The following KLHL4 variants were observed in gnomAD, a reference collection of about 807,000 sequenced individuals.
KLHL4 encodes kelch like family member 4.
A neutral mutation model predicts 45.8 loss-of-function variants in KLHL4; 17 were observed. The ratio of observed to expected loss-of-function variants is 0.37; its 90% CI spans 0.25 to 0.56. KLHL4 has a LOEUF of 0.56. Among genes scored for constraint, KLHL4 ranks in the 20% least tolerant of loss-of-function variants. The pLI, the probability that KLHL4 is intolerant of heterozygous loss-of-function variation, is 0.79. For missense variants in KLHL4, 544 were observed against 544.9 expected, an observed-to-expected ratio of 1.00 and a Z score of 0.02; for synonymous variants, 224 against 189.9, an observed-to-expected ratio of 1.18 and a Z score of -1.47.
intron 1 of KLHL4, among the ~76,000 whole-genome samples, chrX:87,581,581 A>T (rs1196926586): frequency 8.9e-6 from 1 of 112,542 alleles, no homozygotes; most frequent in Non-Finnish European, 1.9e-5. Context: ...GGACAAACAT[A>T]GGTGACTAAA....
At position 87,527,918 on chromosome X, in the gene KLHL4, A is replaced by G. The variant is rs1021288315; in HGVS notation, c.422+9603A>G. Reference sequence around the variant, plus strand: ...AACATAATACATACAAAGAAACATGATAAGTTTCCAGTAACAGATCACTGG... The same window carrying G: ...AACATAATACATACAAAGAAACATGGTAAGTTTCCAGTAACAGATCACTGG... On this transcript the variant is annotated intron_variant, in intron 1 of 10. Transcript: ENST00000373119. 4.5e-5 allele frequency among the ~76,000 whole-genome samples: 5 copies of G among 111,114 alleles called. 1 individual carries two copies. Among genetic ancestry groups the G allele is most frequent in the African/African-American group, 9.8e-5 (3 of 30,501 alleles).
At chrX:87,528,586 G>A (rs998510342) in intron 1 of KLHL4, among the ~76,000 whole-genome samples, 10 of 107,812 alleles carry the variant, frequency 9.3e-5, no homozygotes, top group African/African-American at 2.7e-4. Context: ...GTGGTGGCAC[G>A]TGCCTGTAGT....
At chrX:87,580,674 G>A (rs1242073063) in intron 1 of KLHL4, among the ~76,000 whole-genome samples, 1 of 111,487 alleles carries the variant, frequency 9.0e-6, no homozygotes, top group African/African-American at 3.3e-5. Flanking sequence ...GAAGATATAA[G>A]AATTATAAAC....
intron 1 of KLHL4, among the ~76,000 whole-genome samples, chrX:87,588,914 C>A (rs1921571506): frequency 9.0e-6 from 1 of 111,087 alleles, no homozygotes; most frequent in Non-Finnish European, 1.9e-5. Flanking sequence ...AAGGACACAA[C>A]CCACAGAATG....
At chrX:87,541,244 T>C (rs1273165126) in intron 1 of KLHL4, among the ~76,000 whole-genome samples, 5 of 109,107 alleles carry the variant, frequency 4.6e-5, no homozygotes, top group Non-Finnish European at 9.5e-5. Flanking sequence ...CCCAGCACTT[T>C]GGGAGGCCGA....
At chrX:87,572,283 A>G (rs1486375268) in intron 1 of KLHL4, among the ~76,000 whole-genome samples, 2 of 91,726 alleles carry the variant, frequency 2.2e-5, no homozygotes. Context: ...GAAGAGATAA[A>G]ATTCACAAAT....
rs781203018 is a variant in KLHL4 at position 87,664,838 on chromosome X, C to T, written c.2000C>T (p.Pro667Leu). ...CCTCGAGATGCTGTTGCTGTGTGCCCTCTTGGAGACAAACTCTACGTGGTT... is the reference window on the plus strand; with the variant it reads ...CCTCGAGATGCTGTTGCTGTGTGCCTTCTTGGAGACAAACTCTACGTGGTT... ...SVPRDAVAVC[P>L]LGDKLYVVGG... The change falls in exon 10 of 11, where the codon CCT becomes CTT. Residue 667 changes from proline (P) to leucine (L), a missense_variant. Transcript: ENST00000373119. 54 of 1,198,670 alleles carry T rather than the reference C, an allele frequency of 4.5e-5. No homozygotes were observed. In the South Asian group the frequency reaches 8.5e-4, roughly 19 times the overall value.
intron 1 of KLHL4, among the ~76,000 whole-genome samples, chrX:87,613,041 A>G (rs1368182785): frequency 4.5e-5 from 5 of 111,818 alleles, no homozygotes. Context: ...TTTGAATTGA[A>G]CAGAGAAAGT....
chrX:87,564,348 ATTAGAG>A (rs60318772), intron 1 of KLHL4, among the ~76,000 whole-genome samples: 27,061 of 109,567 alleles, frequency 0.25, 2,912 homozygotes, highest in East Asian at 0.5. Flanking sequence ...TTACTTTTCA[ATTAGAG>A]TTAAATTACC....
chrX:87,548,888 T>C (rs1247297066), intron 1 of KLHL4, among the ~76,000 whole-genome samples: 1 of 100,178 alleles, frequency 1.0e-5, no homozygotes, highest in African/African-American at 3.6e-5. Context: ...ACCAGGAAAC[T>C]AATAAGAAAA....
chrX:87,659,262 G>C (rs1924105461), intron 9 of KLHL4, among the ~76,000 whole-genome samples: 1 of 96,809 alleles, frequency 1.0e-5, no homozygotes, highest in Non-Finnish European at 2.1e-5. Context: ...TGGGACTACA[G>C]GTGTGCACCA....
intron 1 of KLHL4, among the ~76,000 whole-genome samples, chrX:87,583,255 C>T (rs1413481160): frequency 8.9e-6 from 1 of 111,890 alleles, no homozygotes; most frequent in East Asian, 2.9e-4. Flanking sequence ...CAGAAAAGTT[C>T]TCCAAGTCCC....
chrX:87,562,088 C>T (rs1435278090), intron 1 of KLHL4, among the ~76,000 whole-genome samples: 1 of 108,737 alleles, frequency 9.2e-6, no homozygotes, highest in Non-Finnish European at 1.9e-5. Flanking sequence ...TGTGGTGGTC[C>T]TTGGAAGAGA....
chrX:87,666,445 C>A, intron 10 of KLHL4, 30 bp from the exon 11 acceptor site: 1 of 1,151,491 alleles, frequency 8.7e-7, no homozygotes, highest in Non-Finnish European at 1.2e-6. Context: ...AGAGTTCCAA[C>A]AGTGTTTTGT....
intron 1 of KLHL4, among the ~76,000 whole-genome samples, chrX:87,557,996 C>A (rs1749529950): frequency 9.0e-6 from 1 of 111,325 alleles, no homozygotes; most frequent in African/African-American, 3.3e-5. Flanking sequence ...CTAGGAAATC[C>A]ACAGATGCCT....
At chrX:87,528,263 G>T (rs766610234) in intron 1 of KLHL4, among the ~76,000 whole-genome samples, 1 of 111,381 alleles carries the variant, frequency 9.0e-6, no homozygotes, top group Non-Finnish European at 1.9e-5. Context: ...AAATACAATT[G>T]TAAGCTTAAT....
At chrX:87,565,707 AAAAAAAG>A (rs1932194591) in intron 1 of KLHL4, among the ~76,000 whole-genome samples, 3 of 68,214 alleles carry the variant, frequency 4.4e-5, no homozygotes, top group African/African-American at 1.2e-4. Context: ...AAAAAAAAAA[AAAAAAAG>A]GAAATGAATT....
intron 10 of KLHL4, 27 bp downstream of exon 10, chrX:87,664,962 C>G (rs750449231): frequency 5.1e-6 from 5 of 972,344 alleles, no homozygotes; most frequent in Non-Finnish European, 1.4e-6. Flanking sequence ...ATTCAAATTA[C>G]TATATTTCAG....
intron 3 of KLHL4, among the ~76,000 whole-genome samples, chrX:87,616,919 A>G (rs1310361849): frequency 9.0e-6 from 1 of 111,352 alleles, no homozygotes; most frequent in African/African-American, 3.3e-5. Flanking sequence ...AATATGTATT[A>G]CCCTTTTCCT....
Sources: allele counts gnomAD v4.1 joint callset (sites outside exome capture counted in the v4.1 genomes callset), GRCh38; gene constraint gnomAD v4.1.1; transcripts MANE v1.5; gene names NCBI Gene and HGNC (gene_info 2026-07-23, HGNC 2026-07-21).